The following QKI variants were observed in gnomAD, a reference collection of about 807,000 sequenced individuals.
QKI encodes the protein KH domain-containing RNA-binding protein QKI.
QKI carries 10 observed loss-of-function variants against 39.0 expected under a neutral mutation model. The ratio of observed to expected loss-of-function variants is 0.26; its 90% CI spans 0.16 to 0.43. The LOEUF (loss-of-function observed/expected upper bound fraction) is 0.43, where lower values mean the gene tolerates loss of function less well. Ranked by LOEUF, QKI falls within the 20% of genes least tolerant of loss-of-function variation. The pLI, the probability that QKI is intolerant of heterozygous loss-of-function variation, is 1.00. For synonymous variants in QKI, 204 were observed against 155.4 expected (o/e 1.31, Z -2.33); for missense variants, 218 against 428.0 (o/e 0.51, Z 4.33).
chr6:163,554,133 A>T (rs1328126195), intron 4 of QKI, among the ~76,000 whole-genome samples: 5 of 152,112 alleles, frequency 3.3e-5, no homozygotes, highest in African/African-American at 1.2e-4. Context: ...CAGAGGGGAG[A>T]ACCCTAGCTG....
intron 4 of QKI, among the ~76,000 whole-genome samples, chr6:163,541,818 G>A (rs1219910585): frequency 6.6e-6 from 1 of 151,738 alleles, no homozygotes; most frequent in Non-Finnish European, 1.5e-5. Flanking sequence ...ATTTCATGCA[G>A]CATCTTTTCT....
At chr6:163,428,323 T>A (rs193017957) in intron 1 of QKI, among the ~76,000 whole-genome samples, 91 of 152,348 alleles carry the variant, frequency 6.0e-4, no homozygotes, top group Non-Finnish European at 1.6e-4. Flanking sequence ...CTCAGTTGTT[T>A]GAAGGGTTTT....
chr6:163,563,346 T>C, intron 5 of QKI, 74 bp from the exon 6 acceptor site: 1 of 1,323,756 alleles, frequency 7.6e-7, no homozygotes, highest in Non-Finnish European at 1.0e-6. Context: ...TTCTTTTTCC[T>C]ACTCCCTTCT....
intron 1 of QKI, among the ~76,000 whole-genome samples, chr6:163,421,389 G>C (rs116128932): frequency 0.039 from 5,869 of 152,224 alleles, 393 homozygotes; most frequent in African/African-American, 0.13. Flanking sequence ...GCTCATCTCA[G>C]CTCTTGGAAA....
At chr6:163,457,327 G>A in intron 2 of QKI, 1 of 455,836 alleles carries the variant, frequency 2.2e-6, no homozygotes, top group South Asian at 1.5e-5. Context: ...TTCTAAGTCA[G>A]GACTTGAGTC....
chr6:163,476,720 C>T (rs1792634577), intron 2 of QKI, among the ~76,000 whole-genome samples: 1 of 152,170 alleles, frequency 6.6e-6, no homozygotes, highest in Non-Finnish European at 1.5e-5. Context: ...TGTCCAGTCT[C>T]TCTGGAGTTC....
chr6:163,441,950 C>T (rs1789789023), intron 1 of QKI, among the ~76,000 whole-genome samples: 1 of 152,138 alleles, frequency 6.6e-6, no homozygotes, highest in African/African-American at 2.4e-5. Flanking sequence ...GGCTTTTATA[C>T]CAACTGAGAT....
chr6:163,439,483 G>A (rs1002261231), intron 1 of QKI, among the ~76,000 whole-genome samples: 1 of 150,128 alleles, frequency 6.7e-6, no homozygotes, highest in African/African-American at 2.5e-5. Flanking sequence ...GAGTAGCTGG[G>A]ATTACAGGTG....
intron 2 of QKI, among the ~76,000 whole-genome samples, chr6:163,457,208 G>C (rs1013564325): frequency 6.6e-6 from 1 of 152,148 alleles, no homozygotes; most frequent in African/African-American, 2.4e-5. Context: ...ACAAGACCTT[G>C]ATAGAGAATA....
At chr6:163,420,174 G>GT (rs1787882974) in intron 1 of QKI, among the ~76,000 whole-genome samples, 1 of 127,252 alleles carries the variant, frequency 7.9e-6, no homozygotes, top group Non-Finnish European at 1.7e-5. Flanking sequence ...TTTTTTTTTG[G>GT]TGGTTTTTTT....
chr6:163,540,608 G>A (rs567903848), intron 4 of QKI, among the ~76,000 whole-genome samples: 1 of 152,204 alleles, frequency 6.6e-6, no homozygotes, highest in South Asian at 2.1e-4. Context: ...GAACAGTTCA[G>A]TATTGTAATT....
chr6:163,443,802 G>A (rs189238993), intron 1 of QKI, among the ~76,000 whole-genome samples: 56 of 152,254 alleles, frequency 3.7e-4, no homozygotes, highest in Middle Eastern at 6.8e-3. Flanking sequence ...GAATACAATC[G>A]AAAAGGTTAA....
chr6:163,417,136 C>T (rs554605440), intron 1 of QKI, among the ~76,000 whole-genome samples: 3 of 152,104 alleles, frequency 2.0e-5, no homozygotes, highest in South Asian at 2.1e-4. Context: ...AAATACTTTC[C>T]TTAAAATTAT....
chr6:163,563,989 T>A, intron 6 of QKI: 1 of 1,293,088 alleles, frequency 7.7e-7, no homozygotes, highest in Non-Finnish European at 9.8e-7. Flanking sequence ...ACTTTTACAT[T>A]TGACATTACT....
At chr6:163,534,565 T>G (rs1163459461) in intron 3 of QKI, among the ~76,000 whole-genome samples, 1 of 152,226 alleles carries the variant, frequency 6.6e-6, no homozygotes, top group Non-Finnish European at 1.5e-5. Context: ...CCCTTAACCT[T>G]GATGACCTTC....
rs921850723 is a variant in QKI at position 163,414,955 on chromosome 6, C to A, written c.-239C>A. On this transcript the variant is annotated 5_prime_UTR_variant, in exon 1 of 8. Coordinates refer to ENST00000361752, the MANE Select transcript of QKI (RefSeq NM_006775.3). ...CTCGTGAGGGACGCGCCGAGCCGGG[C>A]GGCCGAGAGCGGCGGCGGCTGGGAG... The A allele has an allele frequency of 1.1e-5, 2 of 174,536 alleles. No individual in the cohort carries two copies. The highest frequency in any genetic ancestry group is 2.2e-5 in the Non-Finnish European group (2 of 91,988). The allele number at this position is 174,536 out of a possible 1,614,324, so 10.8% of individuals were successfully genotyped here.
chr6:163,511,115 A>T (rs1458177953), intron 3 of QKI, among the ~76,000 whole-genome samples: 1 of 152,174 alleles, frequency 6.6e-6, no homozygotes, highest in Non-Finnish European at 1.5e-5. Context: ...AAGTATTTGG[A>T]AAGTGACACA....
chr6:163,453,369 G>GCA, intron 1 of QKI, among the ~76,000 whole-genome samples: 1 of 152,134 alleles, frequency 6.6e-6, no homozygotes, highest in East Asian at 1.9e-4. Context: ...GGTGCTAACT[G>GCA]CAGTAAGAAT....
At chr6:163,420,980 T>G (rs1787953051) in intron 1 of QKI, among the ~76,000 whole-genome samples, 1 of 152,202 alleles carries the variant, frequency 6.6e-6, no homozygotes. Flanking sequence ...TGGCATACAC[T>G]TCTCAGATGT....
Sources: gnomAD v4.1 joint callset for allele counts (sites outside exome capture counted in the v4.1 genomes callset) on GRCh38, gnomAD v4.1.1 for gene constraint, MANE v1.5 for transcripts, NCBI Gene and HGNC (gene_info 2026-07-23, HGNC 2026-07-21) for gene names.